Variants in DGKB observed in about 807,000 individuals in gnomAD.
DGKB encodes the protein diacylglycerol kinase beta, also known as 90 kDa diacylglycerol kinase.
A neutral mutation model predicts 114.3 loss-of-function variants in DGKB; 67 were observed. The observed-to-expected ratio is 0.59, with a 90% CI of 0.48 to 0.72. DGKB has a LOEUF of 0.72. DGKB is among the 30% of genes least tolerant of loss of function. The pLI is 0.00. For synonymous variants in DGKB, 398 were observed against 323.1 expected, an observed-to-expected ratio of 1.23 and a Z score of -2.49; for missense variants, 907 against 975.2, an observed-to-expected ratio of 0.93 and a Z score of 0.93.
intron 13 of DGKB, among the ~76,000 whole-genome samples, chr7:14,632,635 T>C (rs1809951484): frequency 6.6e-6 from 1 of 151,818 alleles, no homozygotes; most frequent in Admixed American, 6.6e-5. Context: ...ATTATCTCAG[T>C]GAAAACTATG....
intron 1 of DGKB, among the ~76,000 whole-genome samples, chr7:14,921,808 A>T (rs1192756958): frequency 2.6e-5 from 4 of 152,200 alleles, no homozygotes; most frequent in African/African-American, 9.6e-5. Context: ...ACTTACCCTA[A>T]AAACTGTGGA....
intron 22 of DGKB, among the ~76,000 whole-genome samples, chr7:14,342,596 C>T (rs1811787201): frequency 6.6e-6 from 1 of 151,744 alleles, no homozygotes; most frequent in South Asian, 2.1e-4. Flanking sequence ...AATCAATTTG[C>T]TCATTAGATT....
intron 2 of DGKB, among the ~76,000 whole-genome samples, chr7:14,814,805 A>G (rs1383216671): frequency 6.6e-6 from 1 of 152,156 alleles, no homozygotes; most frequent in Non-Finnish European, 1.5e-5. Flanking sequence ...AATGTTATGA[A>G]CATACTCTAG....
intron 1 of DGKB, among the ~76,000 whole-genome samples, chr7:14,862,142 G>C (rs576264439): frequency 2.6e-5 from 4 of 151,860 alleles, no homozygotes; most frequent in African/African-American, 9.6e-5. Flanking sequence ...TTCCCCCCCA[G>C]CTTCACCGAG....
intron 1 of DGKB, among the ~76,000 whole-genome samples, chr7:14,862,654 C>T (rs1052971771): frequency 2.6e-5 from 4 of 152,094 alleles, no homozygotes; most frequent in South Asian, 2.1e-4. Flanking sequence ...ACACTATACT[C>T]TGTTGCCTCC....
At chr7:14,304,087 A>ACACACACACACTCTCTCTCT (rs140836395) in intron 23 of DGKB, among the ~76,000 whole-genome samples, 38 of 110,120 alleles carry the variant, frequency 3.5e-4, no homozygotes, top group Middle Eastern at 5.7e-3. Context: ...ACACACACAC[A>ACACACACACACTCTCTCTCT]CTCTCTCTCT....
intron 13 of DGKB, among the ~76,000 whole-genome samples, chr7:14,645,454 T>C (rs1812764664): frequency 6.6e-6 from 1 of 151,816 alleles, no homozygotes; most frequent in African/African-American, 2.4e-5. Flanking sequence ...TGCCACCTTC[T>C]CCTGCTTGCT....
intron 12 of DGKB, among the ~76,000 whole-genome samples, chr7:14,675,239 C>G (rs1344463211): frequency 6.6e-6 from 1 of 152,124 alleles, no homozygotes; most frequent in Non-Finnish European, 1.5e-5. Context: ...GCAGGACATA[C>G]TGAGTCTTAT....
chr7:14,174,757 G>A (rs1781481130), intron 25 of DGKB, among the ~76,000 whole-genome samples: 1 of 151,980 alleles, frequency 6.6e-6, no homozygotes, highest in Admixed American at 6.6e-5. Context: ...CTCTGCAATA[G>A]CATCACCACC....
chr7:14,769,884 A>G (rs987892673), intron 2 of DGKB, among the ~76,000 whole-genome samples: 1 of 152,124 alleles, frequency 6.6e-6, no homozygotes, highest in African/African-American at 2.4e-5. Flanking sequence ...CCTATCAGAA[A>G]TCCAGGATAA....
chr7:14,658,833 GT>G (rs1816400184), intron 13 of DGKB, among the ~76,000 whole-genome samples: 1 of 151,678 alleles, frequency 6.6e-6, no homozygotes, highest in Admixed American at 6.6e-5. Context: ...TTTTCAAATA[GT>G]TTTGTTGTCC....
chr7:14,858,663 C>T (rs1440395415), intron 1 of DGKB, among the ~76,000 whole-genome samples: 2 of 151,824 alleles, frequency 1.3e-5, no homozygotes, highest in East Asian at 1.9e-4. Context: ...GTCACGGTGT[C>T]AAATGGCAAG....
intron 2 of DGKB, among the ~76,000 whole-genome samples, chr7:14,783,343 T>C (rs1839402398): frequency 6.6e-6 from 1 of 152,208 alleles, no homozygotes; most frequent in Non-Finnish European, 1.5e-5. Flanking sequence ...TCACACCGCA[T>C]AAATGAAAGA....
At chr7:14,190,679 A>G (rs1347402801) in intron 23 of DGKB, 2 of 152,114 alleles carry the variant, frequency 1.3e-5, no homozygotes, top group Admixed American at 6.5e-5. Context: ...AAGAAAGAAG[A>G]CTCAAAAAAA....
chr7:14,499,236 C>A (rs547374382), intron 20 of DGKB, among the ~76,000 whole-genome samples: 2 of 151,580 alleles, frequency 1.3e-5, no homozygotes, highest in South Asian at 2.1e-4. Flanking sequence ...GCTTTTTGCC[C>A]AGAAAGATAA....
At chr7:14,219,925 TA>T (rs1184529964) in intron 23 of DGKB, among the ~76,000 whole-genome samples, 1 of 151,748 alleles carries the variant, frequency 6.6e-6, no homozygotes, top group East Asian at 1.9e-4. Flanking sequence ...CATCCTTGAT[TA>T]TTTTTTAGTT....
At chr7:14,840,744 A>ACCCC (rs71548095) in intron 2 of DGKB, among the ~76,000 whole-genome samples, 2 of 116,236 alleles carry the variant, frequency 1.7e-5, no homozygotes, top group Admixed American at 8.4e-5. Flanking sequence ...ACACACACAC[A>ACCCC]CCTCTCCCTT....
chr7:14,470,982 AT>A (rs1781201186), intron 21 of DGKB, among the ~76,000 whole-genome samples: 1 of 151,286 alleles, frequency 6.6e-6, no homozygotes, highest in Non-Finnish European at 1.5e-5. Flanking sequence ...CACTACTGAA[AT>A]ATTATATTTT....
intron 9 of DGKB, among the ~76,000 whole-genome samples, chr7:14,688,964 A>G (rs1161028580): frequency 6.6e-6 from 1 of 151,688 alleles, no homozygotes; most frequent in East Asian, 2.0e-4. Flanking sequence ...GCTACTATAA[A>G]TAATTTTTTT....
Sources: allele counts gnomAD v4.1 joint callset (sites outside exome capture counted in the v4.1 genomes callset), GRCh38; gene constraint gnomAD v4.1.1; transcripts MANE v1.5; gene names NCBI Gene and HGNC (gene_info 2026-07-23, HGNC 2026-07-21).